PDE1A: variants seen among roughly 807,000 people sequenced by gnomAD.
The protein encoded by PDE1A is phosphodiesterase 1A, also known as dual specificity calcium/calmodulin-dependent 3',5'-cyclic nucleotide phosphodiesterase 1A.
A neutral mutation model predicts 61.7 loss-of-function variants in PDE1A; 35 were observed. The ratio of observed to expected loss-of-function variants is 0.57; its 90% confidence interval spans 0.43 to 0.75. The LOEUF is 0.75. PDE1A is among the 30% of genes least tolerant of loss of function. The pLI, the probability that PDE1A is intolerant of heterozygous loss-of-function variation, is 0.00. For missense variants in PDE1A, 597 were observed against 630.6 expected (o/e 0.95, Z 0.57); for synonymous variants, 232 against 213.2 (o/e 1.09, Z -0.77).
At chr2:182,402,882 T>C (rs760075271) in intron 1 of PDE1A, among the ~76,000 whole-genome samples, 15 of 152,252 alleles carry the variant, frequency 9.9e-5, no homozygotes, top group Non-Finnish European at 1.9e-4. Flanking sequence ...AACAGACACA[T>C]CTCAAAAGAA....
At chr2:182,601,367 G>A in the PDE1A span, among the ~76,000 whole-genome samples, 7 of 152,218 alleles carry the variant, frequency 4.6e-5, no homozygotes, top group Non-Finnish European at 7.3e-5. Flanking sequence ...TCAGCAGCAC[G>A]CAGAAGCTCA....
At chr2:182,418,988 G>A (rs1416620907) in intron 1 of PDE1A, among the ~76,000 whole-genome samples, 2 of 151,706 alleles carry the variant, frequency 1.3e-5, no homozygotes, top group Non-Finnish European at 2.9e-5. Context: ...TGCAATCGCT[G>A]ATACAATTGT....
the PDE1A span, among the ~76,000 whole-genome samples, chr2:182,564,923 T>G: frequency 6.6e-6 from 1 of 152,214 alleles, no homozygotes; most frequent in Non-Finnish European, 1.5e-5. Flanking sequence ...TAAGCACTTC[T>G]CTGTATTGGT....
the PDE1A span, among the ~76,000 whole-genome samples, chr2:182,624,020 G>A: frequency 6.6e-6 from 1 of 151,464 alleles, no homozygotes; most frequent in Non-Finnish European, 1.5e-5. Flanking sequence ...AGCTACTCGG[G>A]AGGCTGAGGC....
chr2:182,546,330 T>A, the PDE1A span, among the ~76,000 whole-genome samples: 1 of 151,850 alleles, frequency 6.6e-6, no homozygotes, highest in African/African-American at 2.4e-5. Context: ...CCATTTTGCT[T>A]ATATCCATTC....
intron 13 of PDE1A, among the ~76,000 whole-genome samples, chr2:182,170,311 T>G (rs1282537548): frequency 6.6e-6 from 1 of 152,062 alleles, no homozygotes; most frequent in Non-Finnish European, 1.5e-5. Context: ...AGATGGTCAA[T>G]GGGTGAATAA....
intron 1 of PDE1A, among the ~76,000 whole-genome samples, chr2:182,295,163 C>T (rs1458361407): frequency 7.1e-6 from 1 of 141,236 alleles, no homozygotes; most frequent in Non-Finnish European, 1.5e-5. Context: ...CAAGCTCTGC[C>T]TCCCGAGTTC....
Position 182,511,094 on chromosome 2 carries a change from CTTAA to C in PDE1A, c.101+11178_101+11181del, listed in dbSNP as rs773216831. Reference sequence around the variant, plus strand: ...CTTTTCTAAATAATTTGTGTGTCAACTTAATTAATTCTCTCAACACCGATGAGAT... The same window carrying C: ...CTTTTCTAAATAATTTGTGTGTCAACTTAATTCTCTCAACACCGATGAGAT... On this transcript the variant is annotated intron_variant, in intron 2 of 14. Coordinates refer to the PDE1A transcript ENST00000410103. 7.9e-5 allele frequency among the ~76,000 whole-genome samples: 12 copies of C among 152,066 alleles called. 1 individual carries two copies. The highest frequency in any genetic ancestry group is 1.3e-4 in the Non-Finnish European group (9 of 68,020).
At chr2:182,185,868 G>A in intron 13 of PDE1A, 24 bp downstream of exon 13, 1 of 1,613,142 alleles carries the variant, frequency 6.2e-7, no homozygotes, top group Non-Finnish European at 8.5e-7. Context: ...AGAGATGGCA[G>A]TAAGGCCTCA....
chr2:182,343,516 A>T (rs534568234), intron 1 of PDE1A, among the ~76,000 whole-genome samples: 150 of 152,338 alleles, frequency 9.8e-4, no homozygotes, highest in African/African-American at 3.4e-3. Flanking sequence ...TAAGAAAACA[A>T]CTAGAAAATT....
chr2:182,354,298 A>AGTAGAC (rs1313707425), intron 1 of PDE1A, among the ~76,000 whole-genome samples: 2 of 152,308 alleles, frequency 1.3e-5, no homozygotes, highest in East Asian at 3.9e-4. Context: ...GGTGACTGTC[A>AGTAGAC]GTAGACATTC....
At chr2:182,337,167 G>A (rs1356473382) in intron 1 of PDE1A, among the ~76,000 whole-genome samples, 2 of 152,042 alleles carry the variant, frequency 1.3e-5, no homozygotes, top group African/African-American at 2.4e-5. Flanking sequence ...TGCCTTATAT[G>A]TACAGTGTGA....
At chr2:182,662,609 T>C in the PDE1A span, among the ~76,000 whole-genome samples, 2 of 152,100 alleles carry the variant, frequency 1.3e-5, no homozygotes, top group East Asian at 3.9e-4. Flanking sequence ...TATTCGATAA[T>C]TGGTGCTGGA....
intron 2 of PDE1A, among the ~76,000 whole-genome samples, chr2:182,516,296 C>T (rs1690143358): frequency 6.6e-6 from 1 of 152,004 alleles, no homozygotes; most frequent in South Asian, 2.1e-4. Context: ...GTAGCACAGA[C>T]GAGTTAAGTC....
the PDE1A span, chr2:182,716,259 C>G: frequency 6.6e-6 from 1 of 152,414 alleles, no homozygotes; most frequent in East Asian, 1.9e-4. Context: ...GGCCCCGCCC[C>G]GGCTCGCCGT....
At chr2:182,179,368 T>C (rs1361523485) in intron 13 of PDE1A, among the ~76,000 whole-genome samples, 1 of 152,130 alleles carries the variant, frequency 6.6e-6, no homozygotes, top group Non-Finnish European at 1.5e-5. Flanking sequence ...TCTTGTTGAG[T>C]GGAAAGCAAT....
chr2:182,508,448 A>C (rs1279607064), intron 2 of PDE1A, among the ~76,000 whole-genome samples: 7 of 151,926 alleles, frequency 4.6e-5, no homozygotes, highest in African/African-American at 7.3e-5. Context: ...AAAAAGGTAA[A>C]AGTGGTTTAC....
chr2:182,388,943 T>C (rs977531815), intron 1 of PDE1A, among the ~76,000 whole-genome samples: 3 of 152,016 alleles, frequency 2.0e-5, no homozygotes, highest in African/African-American at 4.8e-5. Context: ...ATAAAAACTT[T>C]TAAATGAGAC....
intron 2 of PDE1A, among the ~76,000 whole-genome samples, chr2:182,443,358 T>C (rs1250938738): frequency 6.6e-6 from 1 of 152,060 alleles, no homozygotes; most frequent in Non-Finnish European, 1.5e-5. Flanking sequence ...TATAATATAG[T>C]CTGGCTATGA....
Sources: allele counts gnomAD v4.1 joint callset (sites outside exome capture counted in the v4.1 genomes callset), GRCh38; gene constraint gnomAD v4.1.1; transcripts MANE v1.5; gene names NCBI Gene and HGNC (gene_info 2026-07-23, HGNC 2026-07-21).